The following LRP4 variants were observed in gnomAD, a reference collection of about 807,000 sequenced individuals.
LRP4 encodes the protein LDL receptor related protein 4, also known as low-density lipoprotein receptor-related protein 4.
A neutral mutation model predicts 220.3 loss-of-function variants in LRP4; 95 were observed. That is an observed-to-expected ratio of 0.43 (90% CI 0.37 to 0.51). The LOEUF is 0.51. Ranked by LOEUF, LRP4 falls within the 20% of genes least tolerant of loss-of-function variation. The pLI is 0.00. For missense variants in LRP4, 1,925 were observed against 2,567.0 expected, an observed-to-expected ratio of 0.75 and a Z score of 5.40; for synonymous variants, 903 against 954.6, an observed-to-expected ratio of 0.95 and a Z score of 1.00.
chr11:46,906,944 A>G (rs2134877506), intron 1 of LRP4, among the ~76,000 whole-genome samples: 1 of 152,338 alleles, frequency 6.6e-6, no homozygotes, highest in East Asian at 1.9e-4. Flanking sequence ...TTGGGCATTC[A>G]TACAGTAAAC....
intron 31 of LRP4, among the ~76,000 whole-genome samples, chr11:46,870,196 G>A (rs1482120937): frequency 6.6e-6 from 1 of 151,998 alleles, no homozygotes; most frequent in Non-Finnish European, 1.5e-5. Flanking sequence ...TTGAATCTAG[G>A]AAGCGGAGGT....
chr11:46,894,533 C>A, intron 12 of LRP4, 56 bp downstream of exon 12: 1 of 1,378,156 alleles, frequency 7.3e-7, no homozygotes, highest in Non-Finnish European at 1.0e-6. Flanking sequence ...ATTCCTCCCA[C>A]CGTTGCTGCG....
At position 46,871,725 on chromosome 11, in the gene LRP4, G is replaced by A. The variant is rs1565780069; in HGVS notation, c.4584-92C>T. ...GAACCTGTTTGTCCCCTCCTGAGCTGACTGGCAGATGCTATGAGAACTCAA... is the reference window on the plus strand; with the variant it reads ...GAACCTGTTTGTCCCCTCCTGAGCTAACTGGCAGATGCTATGAGAACTCAA... On this transcript the variant is annotated intron_variant, in intron 30 of 37. Coordinates refer to ENST00000378623, the MANE Select transcript of LRP4 (RefSeq NM_002334.4). 3 of 833,952 alleles carry A rather than the reference G, an allele frequency of 3.6e-6. No homozygotes were observed. The Admixed American group carries it at 6.0e-5, about 17-fold the overall frequency. 51.7% of individuals were successfully genotyped at this position (833,952 alleles called of 1,614,324 possible).
chr11:46,897,334 CT>C (rs60604776), intron 7 of LRP4, among the ~76,000 whole-genome samples: 1,530 of 128,064 alleles, frequency 0.012, 16 homozygotes, highest in African/African-American at 0.041. Flanking sequence ...GCCTGTTTGT[CT>C]TTTTTTTTTT....
chr11:46,886,603 C>T (rs1030804132), intron 16 of LRP4, 70 bp from the exon 17 acceptor site: 39 of 1,308,004 alleles, frequency 3.0e-5, no homozygotes, highest in East Asian at 4.7e-5. Flanking sequence ...CACAGACGCT[C>T]ACCTGCGTGA....
rs773177700 is a variant in LRP4 at position 46,875,391 on chromosome 11, T to G, written c.3925+65A>C. The G allele has an allele frequency of 7.3e-7, 1 of 1,373,262 alleles. No homozygotes were observed. The highest frequency in any genetic ancestry group is 1.0e-6 in the Non-Finnish European group (1 of 966,208). 85.1% of individuals were successfully genotyped at this position (1,373,262 alleles called of 1,614,324 possible). On this transcript the variant is annotated intron_variant, in intron 27 of 37. Transcript: ENST00000378623. The surrounding 1 kb of genome is among the most constrained non-coding windows in gnomAD (Gnocchi z 4.5). ...GAGCTCTGTGCTCTGGATATATCTCTGATGTTGAGATGGCCCCAGAAAGCC... is the reference window on the plus strand; with the variant it reads ...GAGCTCTGTGCTCTGGATATATCTCGGATGTTGAGATGGCCCCAGAAAGCC...
intron 16 of LRP4, 60 bp downstream of exon 16, chr11:46,889,351 G>GTTCC: frequency 3.1e-6 from 5 of 1,607,264 alleles, no homozygotes; most frequent in Non-Finnish European, 4.2e-6. Context: ...CCTATCCCTT[G>GTTCC]TTCCTTCTCC....
At position 46,890,119 on chromosome 11, in the gene LRP4, G is replaced by A; in HGVS notation, c.1917C>T (p.Gly639=). ...GSHRKAVISQ[G]LPHPFAITVF... ...CTGTGATGGCGAAGGGATGCGGGAG[G>A]CCTGGGGAAAGTCCAGGAAGACCTC... is the stretch of plus-strand genomic sequence containing the variant. Residue 639 remains glycine (G), a splice_region_variant and synonymous_variant, in exon 15 of 38, where the codon GGC becomes GGT. Transcript: ENST00000378623. The surrounding 1 kb of genome is among the most constrained non-coding windows in gnomAD (Gnocchi z 5.3). 1.9e-6 allele frequency: 3 copies of A among 1,614,066 alleles called. No individual in the cohort carries two copies. In the South Asian group the frequency reaches 3.3e-5, roughly 18 times the overall value.
intron 37 of LRP4, chr11:46,861,007 C>A: frequency 1.0e-6 from 1 of 969,616 alleles, no homozygotes; most frequent in Non-Finnish European, 1.2e-6. Flanking sequence ...AAGAAACACA[C>A]AACAGAAGAA....
At chr11:46,904,490 TGGATGGATGGACGGACAGAC>T (rs139632174) in intron 1 of LRP4, among the ~76,000 whole-genome samples, 22,293 of 146,876 alleles carry the variant, frequency 0.15, 2,734 homozygotes, top group East Asian at 0.65. Flanking sequence ...CATGGATGGA[TGGATGGATGGACGGACAGAC>T]GGATGGATGG....
At position 46,876,566 on chromosome 11, in the gene LRP4, T is replaced by A; in HGVS notation, c.3436A>T (p.Asn1146Tyr). Residue 1146 changes from asparagine to tyrosine, a missense_variant, in exon 25 of 38, where the codon AAC becomes TAC. Asn to Tyr is a moderately radical substitution (Grantham distance 143). Coordinates refer to ENST00000378623, the MANE Select transcript of LRP4 (RefSeq NM_002334.4). ...TCCAGGTTGCCCACTTCAATCCGGTTTGTTCCCGTGTCTGTCCAGTATACT... is the reference window on the plus strand; with the variant it reads ...TCCAGGTTGCCCACTTCAATCCGGTATGTTCCCGTGTCTGTCCAGTATACT... ...RKVYWTDTGT[N>Y]RIEVGNLDGS... 1 of 1,614,190 alleles carries A rather than the reference T, an allele frequency of 6.2e-7. No homozygotes were observed. Among genetic ancestry groups the A allele is most frequent in the Non-Finnish European group, 8.5e-7 (1 of 1,180,038 alleles).
intron 1 of LRP4, among the ~76,000 whole-genome samples, chr11:46,908,221 C>T (rs370904309): frequency 6.6e-6 from 1 of 152,258 alleles, no homozygotes; most frequent in Non-Finnish European, 1.5e-5. Context: ...TGAGCCACTG[C>T]GCCTGGCCCC....
At chr11:46,863,090 T>C (rs767240262) in intron 36 of LRP4, among the ~76,000 whole-genome samples, 52 of 152,082 alleles carry the variant, frequency 3.4e-4, no homozygotes, top group Middle Eastern at 3.2e-3. Context: ...GGCAAGAAAC[T>C]AATGAGGAAG....
rs1334646516 is a variant in LRP4 at position 46,894,776 on chromosome 11, C to G, written c.1353G>C (p.Arg451=). Residue 451 remains arginine (R), a synonymous_variant, in exon 12 of 38, where the codon CGG becomes CGC. Transcript: ENST00000378623. ...ACTCAGAGCGGTGTGGCAGCACCTG[C>G]CGGATGTCGATGCGATTGGCGAACA... The part of the protein sequence containing the change: ...VLLFANRIDI[R]QVLPHRSEYT... 1 of 1,614,198 alleles carries G rather than the reference C, an allele frequency of 6.2e-7. No individual in the cohort carries two copies. The highest frequency in any genetic ancestry group is 2.2e-5 in the East Asian group (1 of 44,890).
chr11:46,863,661 A>T (rs1303168548), intron 36 of LRP4, among the ~76,000 whole-genome samples: 2 of 151,372 alleles, frequency 1.3e-5, no homozygotes, highest in Non-Finnish European at 2.9e-5. Flanking sequence ...TGGGAGGCTG[A>T]GGCACAAGAA....
chr11:46,886,375 C>T lies in LRP4; in HGVS notation c.2374G>A (p.Val792Ile), dbSNP rs190872977. The T allele has an allele frequency of 6.1e-5, 98 of 1,606,836 alleles. 1 individual carries two copies. In the East Asian group the frequency reaches 2.2e-3, roughly 36 times the overall value. Residue 792 changes from valine to isoleucine, a missense_variant, in exon 17 of 38, where the codon GTC becomes ATC. Transcript: ENST00000378623. Reference sequence around the variant, plus strand: ...GCCCTGCTGATGGTATCAGTGCTGACATCTGTCCAGTACACGTGGTCATCC... The same window carrying T: ...GCCCTGCTGATGGTATCAGTGCTGATATCTGTCCAGTACACGTGGTCATCC... ...SRDDHVYWTD[V>I]STDTISRAKW...
chr11:46,873,470 G>C lies in LRP4; in HGVS notation c.4353C>G (p.Thr1451=), dbSNP rs1940923952. The part of the protein sequence containing the change: ...NLYWTDTGRN[T]IEASRLDGSC... ...AACCATCCAGCCTGGACGCCTCAAT[G>C]GTATTTCGACCTGTGTCTGTCCAGT... The change falls in exon 29 of 38, where the codon ACC becomes ACG. Residue 1451 remains threonine, a synonymous_variant. Transcript: ENST00000378623. This position sits in a 1 kb window ranked among gnomAD's most constrained non-coding sequence, Gnocchi z 4.2. The C allele has an allele frequency of 6.2e-7, 1 of 1,614,170 alleles. No homozygotes were observed. Among genetic ancestry groups the C allele is most frequent in the South Asian group, 1.1e-5 (1 of 91,072 alleles).
chr11:46,876,091 GACAAAGT>G, intron 25 of LRP4, 125 bp from the exon 26 acceptor site: 1 of 1,059,462 alleles, frequency 9.4e-7, no homozygotes, highest in South Asian at 1.3e-5. Context: ...ATTTTTGCTT[GACAAAGT>G]ACTTTGCAAA....
At chr11:46,859,413 G>C in intron 37 of LRP4, 98 bp from the exon 38 acceptor site, 2 of 891,130 alleles carry the variant, frequency 2.2e-6, no homozygotes, top group Non-Finnish European at 3.7e-6. Flanking sequence ...AAGAGTAGGA[G>C]TGAAGCGCAC....
Sources: gnomAD v4.1 joint callset for allele counts (sites outside exome capture counted in the v4.1 genomes callset) on GRCh38, gnomAD v4.1.1 for gene constraint, Gnocchi (gnomAD v3.1) non-coding constraint, MANE v1.5 for transcripts, NCBI Gene and HGNC (gene_info 2026-07-23, HGNC 2026-07-21) for gene names.